Variants in SUPT3H observed in about 807,000 individuals in gnomAD.
The protein encoded by SUPT3H is transcription initiation protein SPT3 homolog.
SUPT3H carries 44 observed loss-of-function variants against 44.3 expected under a neutral mutation model. That is an observed-to-expected ratio of 0.99 (90% CI 0.78 to 1.28). The LOEUF (loss-of-function observed/expected upper bound fraction) is 1.28. Among genes scored for constraint, SUPT3H ranks in the 50% most tolerant of loss-of-function variants. The pLI, the probability that SUPT3H is intolerant of heterozygous loss-of-function variation, is 0.00. For synonymous variants in SUPT3H, 124 were observed against 125.6 expected (o/e 0.99, Z 0.09); for missense variants, 380 against 387.1 (o/e 0.98, Z 0.15).
chr6:44,947,462 T>C (rs1448937970), intron 9 of SUPT3H, among the ~76,000 whole-genome samples: 1 of 152,226 alleles, frequency 6.6e-6, no homozygotes, highest in Non-Finnish European at 1.5e-5. Context: ...TCCATGTTCA[T>C]GGATTGTGAG....
chr6:44,908,197 G>A (rs540591), intron 10 of SUPT3H, among the ~76,000 whole-genome samples: 1 of 149,838 alleles, frequency 6.7e-6, no homozygotes, highest in Non-Finnish European at 1.5e-5. Context: ...TGTCACTCAG[G>A]CTGGAGTGCA....
chr6:45,177,861 G>C (rs1812279821), intron 2 of SUPT3H, among the ~76,000 whole-genome samples: 1 of 151,948 alleles, frequency 6.6e-6, no homozygotes, highest in Non-Finnish European at 1.5e-5. Flanking sequence ...TTACAGACAA[G>C]CAAATGCTGA....
intron 2 of SUPT3H, among the ~76,000 whole-genome samples, chr6:45,360,256 G>C (rs1581893294): frequency 6.6e-6 from 1 of 152,114 alleles, no homozygotes; most frequent in African/African-American, 2.4e-5. Flanking sequence ...GGGAATAATA[G>C]CATCTACCCT....
chr6:45,309,854 G>A (rs1026227445), intron 2 of SUPT3H, among the ~76,000 whole-genome samples: 5 of 152,122 alleles, frequency 3.3e-5, no homozygotes, highest in Admixed American at 2.6e-4. Flanking sequence ...TAGTCAAAGT[G>A]ATGAAAAGGA....
intron 2 of SUPT3H, among the ~76,000 whole-genome samples, chr6:45,181,773 G>A (rs1319081744): frequency 4.0e-5 from 6 of 151,126 alleles, no homozygotes; most frequent in South Asian, 2.1e-4. Context: ...GCTAGATGAC[G>A]AGTTAGTGGG....
chr6:45,062,987 T>C (rs908412639), intron 3 of SUPT3H, among the ~76,000 whole-genome samples: 3 of 151,592 alleles, frequency 2.0e-5, no homozygotes, highest in Non-Finnish European at 4.4e-5. Context: ...CCTGCCTCTG[T>C]AGGCTCCACC....
chr6:45,279,421 C>A lies in SUPT3H; in HGVS notation c.101+85780G>T, dbSNP rs1453608812. On this transcript the variant is annotated intron_variant, in intron 2 of 10. Transcript: ENST00000371459. The stretch of plus-strand genomic sequence containing the variant: ...GCTATCCCTAATGTTGGAGGTGGGG[C>A]CTGGCAGGAAATGTTTGGGTCATGG... Among the ~76,000 whole-genome samples, 5 of 152,200 alleles carry A rather than the reference C, an allele frequency of 3.3e-5. No homozygotes were observed. In the East Asian group the frequency reaches 9.7e-4, roughly 29 times the overall value.
chr6:45,134,388 A>G (rs1803954561), intron 2 of SUPT3H, among the ~76,000 whole-genome samples: 1 of 152,212 alleles, frequency 6.6e-6, no homozygotes, highest in South Asian at 2.1e-4. Flanking sequence ...TTAGGGATAC[A>G]TTCAAATCAC....
In SUPT3H at chr6:45,027,925, T is replaced by A. The variant is rs562368728; in HGVS notation, c.187-7293A>T. Among the ~76,000 whole-genome samples, 7 of 146,532 alleles carry A rather than the reference T, an allele frequency of 4.8e-5. No individual in the cohort carries two copies. The East Asian group carries it at 1.4e-3, about 28-fold the overall frequency. On this transcript the variant is annotated intron_variant, in intron 3 of 10. Coordinates refer to ENST00000371459, the MANE Select transcript of SUPT3H (RefSeq NM_003599.4). ...TTACATTATGATTCCTAAGCCTTTG[T>A]GTGACTTTTCCCCTAGTCTGAGAAA...
intron 2 of SUPT3H, among the ~76,000 whole-genome samples, chr6:45,282,146 A>G (rs1464982508): frequency 1.3e-5 from 2 of 152,198 alleles, no homozygotes; most frequent in Admixed American, 1.3e-4. Flanking sequence ...GAAAAAACAG[A>G]GCAGAAAAAC....
chr6:44,843,463 A>G (rs987500186), intron 10 of SUPT3H, among the ~76,000 whole-genome samples: 11 of 152,208 alleles, frequency 7.2e-5, no homozygotes, highest in African/African-American at 2.7e-4. Context: ...GTATTCACAG[A>G]CAATAATACA....
At chr6:44,882,273 T>C (rs766104267) in intron 10 of SUPT3H, among the ~76,000 whole-genome samples, 20 of 152,080 alleles carry the variant, frequency 1.3e-4, no homozygotes, top group Non-Finnish European at 2.4e-4. Context: ...GCAAATAAAC[T>C]AGAAAATCCA....
At chr6:44,890,401 C>A (rs1200763106) in intron 10 of SUPT3H, among the ~76,000 whole-genome samples, 1 of 151,924 alleles carries the variant, frequency 6.6e-6, no homozygotes, top group Non-Finnish European at 1.5e-5. Flanking sequence ...AAATGTGGCA[C>A]ATACATACCA....
chr6:45,239,881 A>G (rs571110738), intron 2 of SUPT3H, among the ~76,000 whole-genome samples: 1 of 152,348 alleles, frequency 6.6e-6, no homozygotes, highest in African/African-American at 2.4e-5. Flanking sequence ...AACAGGGACT[A>G]TGGAACACCC....
intron 6 of SUPT3H, among the ~76,000 whole-genome samples, chr6:44,992,412 T>G (rs954749489): frequency 6.6e-6 from 1 of 152,162 alleles, no homozygotes; most frequent in African/African-American, 2.4e-5. Context: ...CAGTGTGCAG[T>G]GCTGATGTCT....
At chr6:45,177,469 A>G (rs1812182426) in intron 2 of SUPT3H, among the ~76,000 whole-genome samples, 1 of 152,196 alleles carries the variant, frequency 6.6e-6, no homozygotes. Context: ...TGACGGGGAG[A>G]ATGGAACCAA....
At chr6:45,289,311 AATAAG>A (rs975040887) in intron 2 of SUPT3H, among the ~76,000 whole-genome samples, 6 of 152,154 alleles carry the variant, frequency 3.9e-5, no homozygotes, top group African/African-American at 1.4e-4. Context: ...GAAGAGCCAA[AATAAG>A]ATATTAATAA....
At chr6:44,896,861 A>G (rs1390298132) in intron 10 of SUPT3H, among the ~76,000 whole-genome samples, 1 of 152,232 alleles carries the variant, frequency 6.6e-6, no homozygotes, top group African/African-American at 2.4e-5. Flanking sequence ...CAACTGAATG[A>G]TAGTGACAAC....
intron 9 of SUPT3H, among the ~76,000 whole-genome samples, chr6:44,938,216 T>G (rs548134379): frequency 6.6e-6 from 1 of 152,212 alleles, no homozygotes; most frequent in African/African-American, 2.4e-5. Flanking sequence ...AGGTCTTATC[T>G]TTAAGTCTTT....
Sources: gnomAD v4.1 joint callset for allele counts (sites outside exome capture counted in the v4.1 genomes callset) on GRCh38, gnomAD v4.1.1 for gene constraint, MANE v1.5 for transcripts, NCBI Gene and HGNC (gene_info 2026-07-23, HGNC 2026-07-21) for gene names.